ATP6V0E2: variants seen among roughly 807,000 people sequenced by gnomAD.
The protein encoded by ATP6V0E2 is V-type proton ATPase subunit e 2.
In ATP6V0E2, 4 loss-of-function variants were observed where a neutral mutation model predicts 11.5. The observed-to-expected ratio is 0.35, with a 90% confidence interval of 0.17 to 0.80. ATP6V0E2 has a LOEUF of 0.80. Among genes scored for constraint, ATP6V0E2 ranks in the 30% least tolerant of loss-of-function variants. The pLI is 0.53. For synonymous variants in ATP6V0E2, 52 were observed against 51.0 expected, an observed-to-expected ratio of 1.02 and a Z score of -0.09; for missense variants, 93 against 113.5, an observed-to-expected ratio of 0.82 and a Z score of 0.82.
At chr7:149,878,639 T>A (rs1803281357) in intron 2 of ATP6V0E2, 39 bp from the exon 3 acceptor site, 1 of 1,558,412 alleles carries the variant, frequency 6.4e-7, no homozygotes, top group Non-Finnish European at 8.6e-7. Context: ...GGGAGGACCC[T>A]CCTGTGCCAG....
At chr7:149,875,507 T>G in intron 1 of ATP6V0E2, 91 bp from the exon 2 acceptor site, 1 of 1,308,492 alleles carries the variant, frequency 7.6e-7, no homozygotes, top group Non-Finnish European at 1.1e-6. Flanking sequence ...GGAAAAGAGC[T>G]CACACCAGGA....
chr7:149,879,192 C>G, intron 3 of ATP6V0E2, 143 bp from the exon 4 acceptor site: 1 of 1,401,354 alleles, frequency 7.1e-7, no homozygotes, highest in Non-Finnish European at 9.2e-7. Context: ...AAGACCCTAA[C>G]CTGGGCCCTA....
chr7:149,877,059 T>TATTG (rs1030324473), intron 2 of ATP6V0E2, among the ~76,000 whole-genome samples: 5 of 89,396 alleles, frequency 5.6e-5, no homozygotes, highest in African/African-American at 1.9e-4. Context: ...CCTTATGTTT[T>TATTG]ATTGATTGAT....
intron 2 of ATP6V0E2, among the ~76,000 whole-genome samples, chr7:149,877,729 C>T (rs1310576065): frequency 6.6e-6 from 1 of 152,014 alleles, no homozygotes; most frequent in Non-Finnish European, 1.5e-5. Flanking sequence ...GGAGACGGGG[C>T]CTACACAAGA....
At position 149,874,006 on chromosome 7, in the gene ATP6V0E2, G is replaced by A. The variant is rs79377053; in HGVS notation, c.-60G>A. 0.054 allele frequency: 83,456 copies of A among 1,545,912 alleles called. 5,626 individuals carry two copies. Among genetic ancestry groups the A allele is most frequent in the African/African-American group, 0.34 (24,977 of 72,968 alleles). On this transcript the variant is annotated 5_prime_UTR_variant, in exon 1 of 4. Coordinates refer to ENST00000425642, the MANE Select transcript of ATP6V0E2 (RefSeq NM_145230.4). ...CAGCGCGCTGCCCGGCTGGGGACCC[G>A]CGCACCTGCAGCGCCCGCTGCTCGG...
intron 2 of ATP6V0E2, among the ~76,000 whole-genome samples, chr7:149,878,336 G>T (rs6946784): frequency 0.4 from 60,448 of 151,956 alleles, 14,333 homozygotes; most frequent in African/African-American, 0.67. Flanking sequence ...GCATGGAGCC[G>T]GGGGAGCCTG....
upstream of ATP6V0E2, chr7:149,873,760 G>C: frequency 3.1e-6 from 3 of 979,922 alleles, no homozygotes; most frequent in Non-Finnish European, 4.3e-6. Flanking sequence ...TTGGCTGTGC[G>C]GGCGCGGGGC....
chr7:149,878,923 G>A, intron 3 of ATP6V0E2, 133 bp downstream of exon 3: 1 of 153,686 alleles, frequency 6.5e-6, no homozygotes, highest in African/African-American at 4.3e-4. Context: ...TTCCCAGGGT[G>A]ACGAAGGGCC....
rs375074500 is a variant in ATP6V0E2 at position 149,878,774 on chromosome 7, C to T, written c.*3C>T. On this transcript the variant is annotated 3_prime_UTR_variant, in exon 3 of 4. Coordinates refer to ENST00000425642, the MANE Select transcript of ATP6V0E2 (RefSeq NM_145230.4). ...ACGTGCGCTTCCTGTGGGAGTGACC[C>T]GCCGCCCCCGACCCAGGTACTGTGT... The T allele has an allele frequency of 2.3e-5, 37 of 1,612,836 alleles. No homozygotes were observed. Among genetic ancestry groups the T allele is most frequent in the African/African-American group, 8.0e-5 (6 of 75,024 alleles).
chr7:149,876,112 T>C (rs1803118525), intron 2 of ATP6V0E2: 2 of 456,502 alleles, frequency 4.4e-6, no homozygotes, highest in Non-Finnish European at 8.8e-6. Flanking sequence ...ACGTGGCGGC[T>C]CACGCCTGTA....
upstream of ATP6V0E2, chr7:149,873,081 G>C (rs1802922336): frequency 6.6e-6 from 1 of 152,224 alleles, no homozygotes; most frequent in Admixed American, 6.5e-5. Flanking sequence ...CGCCGAAGGA[G>C]GAAAGCAGGC....
intron 2 of ATP6V0E2, among the ~76,000 whole-genome samples, chr7:149,876,752 A>G (rs925412632): frequency 4.6e-5 from 7 of 152,112 alleles, no homozygotes; most frequent in African/African-American, 7.2e-5. Context: ...CCATCTTCCT[A>G]TGTCTTGTAC....
intron 2 of ATP6V0E2, 109 bp from the exon 3 acceptor site, chr7:149,878,569 C>T (rs1803275682): frequency 4.6e-6 from 4 of 868,142 alleles, no homozygotes; most frequent in Non-Finnish European, 1.7e-6. Flanking sequence ...GAACACAGGC[C>T]CTGCCATCTG....
Position 149,879,927 on chromosome 7 carries a change from C to T in ATP6V0E2, c.*612C>T, listed in dbSNP as rs1346387322. The T allele has an allele frequency of 1.1e-5, 4 of 358,172 alleles. 1 individual carries two copies. The South Asian group carries it at 4.1e-4, about 36-fold the overall frequency. 22.2% of individuals were successfully genotyped at this position (358,172 alleles called of 1,614,324 possible). A position where few individuals can be genotyped will look rare whatever the true frequency, so the allele number is the denominator to read the frequency against. On this transcript the variant is annotated 3_prime_UTR_variant, in exon 4 of 4. Transcript: ENST00000425642. ...TCATGTGGGTCCAGATGGCCTCAGT[C>T]CTAGATGTTGGCACCCTTTGCTGTG...
intron 2 of ATP6V0E2, among the ~76,000 whole-genome samples, chr7:149,876,603 C>T (rs535397349): frequency 2.0e-4 from 31 of 152,292 alleles, no homozygotes; most frequent in African/African-American, 5.8e-4. Flanking sequence ...ACCCTGCCCC[C>T]GCATCCATCC....
chr7:149,879,245 G>C (rs1353893523), intron 3 of ATP6V0E2, 90 bp from the exon 4 acceptor site: 16 of 1,415,682 alleles, frequency 1.1e-5, no homozygotes, highest in Non-Finnish European at 1.5e-5. Context: ...GGACTATCTG[G>C]GCAGGGGTGA....
At chr7:149,873,178 C>T (rs941357686), upstream of ATP6V0E2, 1 of 152,274 alleles carries the variant, frequency 6.6e-6, no homozygotes, top group African/African-American at 2.4e-5. Context: ...TTTAATCCTC[C>T]AGCAACCTTG....
At position 149,879,885 on chromosome 7, in the gene ATP6V0E2, C is replaced by T; in HGVS notation, c.*570C>T. ...ATGTTGAAGCAGAGAAACATTCACA[C>T]ACAAAAAGCAACATAGTCATGTGGG... On this transcript the variant is annotated 3_prime_UTR_variant, in exon 4 of 4. Transcript: ENST00000425642. The T allele has an allele frequency of 2.4e-6, 1 of 413,576 alleles. No individual in the cohort carries two copies. The highest frequency in any genetic ancestry group is 4.2e-6 in the Non-Finnish European group (1 of 238,466). The allele number at this position is 413,576 out of a possible 1,614,324, so 25.6% of individuals were successfully genotyped here.
At chr7:149,879,226 G>A in intron 3 of ATP6V0E2, 109 bp from the exon 4 acceptor site, 1 of 1,403,044 alleles carries the variant, frequency 7.1e-7, no homozygotes, top group Non-Finnish European at 9.2e-7. Flanking sequence ...GAGGGAAAGG[G>A]TAAGCTGAGG....
Sources: gnomAD v4.1 joint callset for allele counts (sites outside exome capture counted in the v4.1 genomes callset) on GRCh38, gnomAD v4.1.1 for gene constraint, MANE v1.5 for transcripts, NCBI Gene and HGNC (gene_info 2026-07-23, HGNC 2026-07-21) for gene names.